CNTNAP3B: variants seen among roughly 807,000 people sequenced by gnomAD.
The protein encoded by CNTNAP3B is contactin associated protein family member 3B.
CNTNAP3B carries 25 observed loss-of-function variants against 108.9 expected under a neutral mutation model. The observed-to-expected ratio is 0.23, with a 90% CI of 0.17 to 0.32. CNTNAP3B has a LOEUF of 0.32. Among genes scored for constraint, CNTNAP3B ranks in the 10% least tolerant of loss-of-function variants. The pLI, the probability that CNTNAP3B is intolerant of heterozygous loss-of-function variation, is 1.00. For missense variants in CNTNAP3B, 252 were observed against 1,210.4 expected, an observed-to-expected ratio of 0.21 and a Z score of 11.75; for synonymous variants, 103 against 473.4, an observed-to-expected ratio of 0.22 and a Z score of 10.16.
Position 42,075,447 on chromosome 9 carries a change from C to T in CNTNAP3B, c.390+1422G>A, listed in dbSNP as rs1446917238. On this transcript the variant is annotated intron_variant, in intron 3 of 23. Coordinates refer to ENST00000377561, the MANE Select transcript of CNTNAP3B (RefSeq NM_001201380.3). Reference sequence around the variant, plus strand: ...ACTTGTTCCAGTGAAGCTCAACACGCTCCTACACGAGGTAAGATCATGAGA... The same window carrying T: ...ACTTGTTCCAGTGAAGCTCAACACGTTCCTACACGAGGTAAGATCATGAGA... Among the ~76,000 whole-genome samples, 3 of 137,596 alleles carry T rather than the reference C, an allele frequency of 2.2e-5. 1 individual carries two copies. Among genetic ancestry groups the T allele is most frequent in the Non-Finnish European group, 4.7e-5 (3 of 64,494 alleles). 90.3% of individuals were successfully genotyped at this position (137,596 alleles called of 152,430 possible). A position where few individuals can be genotyped will look rare whatever the true frequency, so the allele number is the denominator to read the frequency against.
chr9:41,925,014 A>G (rs1167946841), intron 15 of CNTNAP3B, among the ~76,000 whole-genome samples: 1 of 151,572 alleles, frequency 6.6e-6, no homozygotes, highest in Admixed American at 6.6e-5. Context: ...AGCAGGCAGC[A>G]ATGCTGATAA....
chr9:41,926,902 T>C (rs1295107899), intron 15 of CNTNAP3B: 1 of 152,432 alleles, frequency 6.6e-6, no homozygotes, highest in Admixed American at 6.5e-5. Flanking sequence ...CTAGAAAATG[T>C]TTTTGAGAAG....
Position 41,964,495 on chromosome 9 carries a change from CAA to C in CNTNAP3B, c.1756+41_1756+42del, listed in dbSNP as rs1252540140. The C allele has an allele frequency of 4.8e-6, 7 of 1,447,306 alleles. No homozygotes were observed. The South Asian group carries it at 7.1e-5, about 15-fold the overall frequency. 89.7% of individuals were successfully genotyped at this position (1,447,306 alleles called of 1,614,324 possible). ...TAAACAACTAATCAAAATGAAATGA[CAA>C]AGAGATGCTGACAGAAACGAGAGGG... On this transcript the variant is annotated intron_variant, in intron 11 of 23. Transcript: ENST00000377561.
At chr9:42,075,456 G>C (rs1465082616) in intron 3 of CNTNAP3B, among the ~76,000 whole-genome samples, 1 of 134,440 alleles carries the variant, frequency 7.4e-6, no homozygotes, top group Non-Finnish European at 1.6e-5. Context: ...GCTCCTACAC[G>C]AGGTAAGATC....
chr9:42,099,472 C>A lies in CNTNAP3B; in HGVS notation c.196+5157G>T, dbSNP rs1315462556. Among the ~76,000 whole-genome samples the A allele has an allele frequency of 8.3e-5, 11 of 132,188 alleles. 4 individuals are homozygous for A. Among genetic ancestry groups the A allele is most frequent in the African/African-American group, 2.8e-4 (9 of 32,638 alleles). 86.7% of individuals were successfully genotyped at this position (132,188 alleles called of 152,430 possible). ...TTCGGTTTCATCCATTTTGTAAACT[C>A]ATTTGCTGAAATGTTCTTCACAGTA... On this transcript the variant is annotated intron_variant, in intron 2 of 23. Transcript: ENST00000377561.
intron 14 of CNTNAP3B, among the ~76,000 whole-genome samples, chr9:41,932,517 CTTCTTTTTTTT>C (rs1289273124): frequency 8.0e-6 from 1 of 124,864 alleles, no homozygotes; most frequent in African/African-American, 3.0e-5. Context: ...ACTTTTTTTT[CTTCTTTTTTTT>C]TTTTTTTCGA....
At chr9:42,055,000 G>A (rs1410151605) in intron 3 of CNTNAP3B, among the ~76,000 whole-genome samples, 2 of 142,604 alleles carry the variant, frequency 1.4e-5, no homozygotes, top group Non-Finnish European at 3.0e-5. Context: ...CTCACATCAA[G>A]ATAAGGTCTT....
intron 10 of CNTNAP3B, among the ~76,000 whole-genome samples, chr9:41,967,543 G>C (rs1374113362): frequency 3.9e-5 from 6 of 152,290 alleles, no homozygotes; most frequent in Non-Finnish European, 1.5e-5. Flanking sequence ...ATTTTTGTTT[G>C]TTTGTTTGTT....
At chr9:42,055,306 T>TATAC (rs1827044298) in intron 3 of CNTNAP3B, among the ~76,000 whole-genome samples, 1 of 135,668 alleles carries the variant, frequency 7.4e-6, no homozygotes, top group East Asian at 2.3e-4. Flanking sequence ...TATATATATA[T>TATAC]ACATATATTC....
At chr9:42,117,175 C>G (rs571301194) in intron 1 of CNTNAP3B, among the ~76,000 whole-genome samples, 1 of 135,888 alleles carries the variant, frequency 7.4e-6, no homozygotes, top group Admixed American at 7.3e-5. Context: ...CCAAGCAGAC[C>G]TAATAGACAT....
rs1267305460 is a variant in CNTNAP3B, at chr9:41,913,724, C to G, written c.2996-4943G>C. Among the ~76,000 whole-genome samples the G allele has an allele frequency of 1.2e-4, 16 of 133,758 alleles. 1 individual carries two copies. In the East Asian group the frequency reaches 3.3e-3, roughly 28 times the overall value. 87.8% of individuals were successfully genotyped at this position (133,758 alleles called of 152,430 possible). ...TATCCTTGAATCTACTTTGTCTCTA[C>G]AAATTTGTCTATTGATATCTAGTAA... On this transcript the variant is annotated intron_variant, in intron 18 of 23. Coordinates refer to ENST00000377561, the MANE Select transcript of CNTNAP3B (RefSeq NM_001201380.3).
chr9:42,051,807 A>T (rs539252310), intron 3 of CNTNAP3B, among the ~76,000 whole-genome samples: 9 of 152,166 alleles, frequency 5.9e-5, no homozygotes, highest in African/African-American at 1.9e-4. Flanking sequence ...TTTTTCAGTA[A>T]TTTTTGCAAA....
chr9:42,127,170 C>T (rs1828589782), intron 1 of CNTNAP3B, among the ~76,000 whole-genome samples: 1 of 138,228 alleles, frequency 7.2e-6, no homozygotes, highest in South Asian at 2.3e-4. Flanking sequence ...ACTGAAAACA[C>T]CCACAGTAGT....
chr9:42,098,423 A>G lies in CNTNAP3B; in HGVS notation c.196+6206T>C, dbSNP rs1435588841. Among the ~76,000 whole-genome samples, 2 of 119,840 alleles carry G rather than the reference A, an allele frequency of 1.7e-5. 1 individual carries two copies. Among genetic ancestry groups the G allele is most frequent in the Non-Finnish European group, 3.4e-5 (2 of 57,994 alleles). 78.6% of individuals were successfully genotyped at this position (119,840 alleles called of 152,430 possible). ...CCCTTCTCTACTAAAAATACAAAAA[A>G]AAAAAAAAAATTAGCCGGGCATGGT... is the stretch of plus-strand genomic sequence containing the variant. On this transcript the variant is annotated intron_variant, in intron 2 of 23. Coordinates refer to ENST00000377561, the MANE Select transcript of CNTNAP3B (RefSeq NM_001201380.3).
Position 42,126,874 on chromosome 9 carries a change from G to A in CNTNAP3B, c.85+2136C>T, listed in dbSNP as rs1212898859. On this transcript the variant is annotated intron_variant, in intron 1 of 23. Transcript: ENST00000377561. Reference sequence around the variant, plus strand: ...CACGAGCCACTGTGCCCGGCCTAGAGAGCTCTTCCCATGAAGAGCCATTTC... The same window carrying A: ...CACGAGCCACTGTGCCCGGCCTAGAAAGCTCTTCCCATGAAGAGCCATTTC... 2.2e-5 allele frequency among the ~76,000 whole-genome samples: 3 copies of A among 139,212 alleles called. 1 individual carries two copies. Among genetic ancestry groups the A allele is most frequent in the African/African-American group, 8.6e-5 (3 of 34,946 alleles). The allele number at this position is 139,212 out of a possible 152,430, so 91.3% of individuals were successfully genotyped here. A position where few individuals can be genotyped will look rare whatever the true frequency, so the allele number is the denominator to read the frequency against.
At chr9:41,920,892 T>G (rs1823648869) in intron 17 of CNTNAP3B, among the ~76,000 whole-genome samples, 1 of 152,302 alleles carries the variant, frequency 6.6e-6, no homozygotes, top group Non-Finnish European at 1.5e-5. Context: ...GAGGGTACAG[T>G]GCTAAACAGT....
intron 3 of CNTNAP3B, among the ~76,000 whole-genome samples, chr9:42,032,735 C>T (rs142987731): frequency 8.1e-6 from 1 of 124,204 alleles, no homozygotes; most frequent in Non-Finnish European, 1.7e-5. Context: ...ATACTGCAGA[C>T]TGGGAGGTTT....
chr9:41,983,660 A>G lies in CNTNAP3B; in HGVS notation c.1477+2508T>C, dbSNP rs550221445. The G allele has an allele frequency of 5.3e-5, 5 of 94,358 alleles. No homozygotes were observed. The South Asian group carries it at 1.6e-3, about 30-fold the overall frequency. The allele number at this position is 94,358 out of a possible 1,614,324, so 5.8% of individuals were successfully genotyped here. On this transcript the variant is annotated intron_variant, in intron 9 of 23. Transcript: ENST00000377561. ...GGACCGATGATGATTCCTTAAGCCA[A>G]CTTCGCTCTTCTGAAAAGGCTGGCG...
intron 1 of CNTNAP3B, among the ~76,000 whole-genome samples, chr9:42,123,774 G>GA (rs1316239673): frequency 7.4e-6 from 1 of 135,616 alleles, no homozygotes; most frequent in Non-Finnish European, 1.6e-5. Flanking sequence ...ATATTTCCTG[G>GA]AAAAATATAC....
Sources: gnomAD v4.1 joint callset for allele counts (sites outside exome capture counted in the v4.1 genomes callset) on GRCh38, gnomAD v4.1.1 for gene constraint, MANE v1.5 for transcripts, NCBI Gene and HGNC (gene_info 2026-07-23, HGNC 2026-07-21) for gene names.